The following UNC5C variants were observed in gnomAD, a reference collection of about 807,000 sequenced individuals.
The protein encoded by UNC5C is netrin receptor UNC5C.
In UNC5C, 47 loss-of-function variants were observed where a neutral mutation model predicts 99.8. That is an observed-to-expected ratio of 0.47 (90% CI 0.37 to 0.60). The LOEUF (loss-of-function observed/expected upper bound fraction) is 0.60, where lower values mean the gene tolerates loss of function less well. Ranked by LOEUF, UNC5C falls within the 20% of genes least tolerant of loss-of-function variation. UNC5C has a pLI of 0.00. For missense variants in UNC5C, 1,062 were observed against 1,165.9 expected (o/e 0.91, Z 1.30); for synonymous variants, 487 against 452.2 (o/e 1.08, Z -0.98).
At chr4:95,275,421 C>A (rs779242480) in intron 4 of UNC5C, among the ~76,000 whole-genome samples, 2 of 152,144 alleles carry the variant, frequency 1.3e-5, no homozygotes, top group Non-Finnish European at 2.9e-5. Context: ...TCATTTAAAC[C>A]TCACAACCAC....
rs558701198 is a variant in UNC5C at position 95,331,783 on chromosome 4, A to AT, written c.346+3626dup. Among the ~76,000 whole-genome samples, 49 of 152,276 alleles carry AT rather than the reference A, an allele frequency of 3.2e-4. No individual in the cohort carries two copies. In the South Asian group the frequency reaches 9.9e-3, roughly 31 times the overall value. On this transcript the variant is annotated intron_variant, in intron 2 of 15. Coordinates refer to ENST00000453304, the MANE Select transcript of UNC5C (RefSeq NM_003728.4). ...TCACAGAGAAGAAATCTCTCTCAAT[A>AT]TATGTGTATATGTGTGTGTGGGTGT...
intron 1 of UNC5C, among the ~76,000 whole-genome samples, chr4:95,491,538 G>A (rs1721492493): frequency 6.6e-6 from 1 of 151,482 alleles, no homozygotes; most frequent in Non-Finnish European, 1.5e-5. Flanking sequence ...ACTTGGAGAG[G>A]AATCCACTGG....
Position 95,242,511 on chromosome 4 carries a change from C to T in UNC5C, c.1026G>A (p.Ala342=), listed in dbSNP as rs747600599. ...CTHWRRRECT[A]PAPKNGGKDC... ...CCTTGCCTCCATTCTTGGGGGCTGG[C>T]GCCGTGCACTCCCTCCTGCGCCAGT... Residue 342 remains alanine, a synonymous_variant, in exon 7 of 16, where the codon GCG becomes GCA. Coordinates refer to ENST00000453304, the MANE Select transcript of UNC5C (RefSeq NM_003728.4). 3.7e-6 allele frequency: 6 copies of T among 1,613,308 alleles called. No homozygotes were observed. In the African/African-American group the frequency reaches 4.0e-5, roughly 11 times the overall value.
chr4:95,412,967 T>C (rs768416228), intron 1 of UNC5C, among the ~76,000 whole-genome samples: 23 of 152,282 alleles, frequency 1.5e-4, no homozygotes, highest in Admixed American at 3.9e-4. Flanking sequence ...ATACCCAGGA[T>C]TCTCTCTCGA....
intron 1 of UNC5C, among the ~76,000 whole-genome samples, chr4:95,424,518 C>CTTTCTTTTTTTTTTTT (rs1746411107): frequency 7.4e-5 from 5 of 67,952 alleles, no homozygotes; most frequent in Non-Finnish European, 1.3e-4. Context: ...TTTTTCTTTT[C>CTTTCTTTTTTTTTTTT]TTTTTTTTTT....
intron 3 of UNC5C, among the ~76,000 whole-genome samples, chr4:95,283,253 C>A (rs953629636): frequency 2.0e-5 from 3 of 152,182 alleles, no homozygotes; most frequent in African/African-American, 7.2e-5. Context: ...CAGCTACAGG[C>A]ATCTACTTCC....
At chr4:95,505,493 G>C (rs1404007723) in intron 1 of UNC5C, among the ~76,000 whole-genome samples, 1 of 152,016 alleles carries the variant, frequency 6.6e-6, no homozygotes, top group East Asian at 1.9e-4. Flanking sequence ...TATATCTTAG[G>C]AATTTACTTC....
intron 1 of UNC5C, among the ~76,000 whole-genome samples, chr4:95,337,447 A>C (rs1168563369): frequency 6.6e-6 from 1 of 151,962 alleles, no homozygotes; most frequent in African/African-American, 2.4e-5. Flanking sequence ...GAAAAACTTC[A>C]TAGGCACTAA....
chr4:95,211,553 A>G (rs1041895635), intron 10 of UNC5C, among the ~76,000 whole-genome samples: 4 of 152,196 alleles, frequency 2.6e-5, no homozygotes, highest in African/African-American at 9.6e-5. Context: ...ACCAAAGGAA[A>G]AATAATTGGG....
intron 1 of UNC5C, among the ~76,000 whole-genome samples, chr4:95,351,331 C>CT (rs34484505): frequency 0.57 from 83,839 of 146,234 alleles, 24,641 homozygotes; most frequent in East Asian, 0.85. Flanking sequence ...TAGGGTTAGG[C>CT]TTTTTTTTTT....
chr4:95,439,168 A>G (rs1746876589), intron 1 of UNC5C, among the ~76,000 whole-genome samples: 1 of 152,168 alleles, frequency 6.6e-6, no homozygotes, highest in East Asian at 1.9e-4. Flanking sequence ...AGGCCCTTGC[A>G]GTAAGCAGTT....
At chr4:95,369,368 T>C (rs1335753581) in intron 1 of UNC5C, among the ~76,000 whole-genome samples, 1 of 151,308 alleles carries the variant, frequency 6.6e-6, no homozygotes, top group Non-Finnish European at 1.5e-5. Context: ...CTGGGAAACA[T>C]AATGAAACCC....
Position 95,335,304 on chromosome 4 carries a change from A to G in UNC5C, c.346+106T>C, listed in dbSNP as rs188561663. ...CCAATTCAAAACTTTTTGTCAGAGA[A>G]TAACTCCATTTTCCATTCCACTAAT... On this transcript the variant is annotated intron_variant, in intron 2 of 15. Transcript: ENST00000453304. The G allele has an allele frequency of 2.7e-6, 3 of 1,103,854 alleles. No homozygotes were observed. The Admixed American group carries it at 8.1e-5, about 30-fold the overall frequency. 68.4% of individuals were successfully genotyped at this position (1,103,854 alleles called of 1,614,324 possible).
intron 1 of UNC5C, among the ~76,000 whole-genome samples, chr4:95,495,760 C>A (rs1306263781): frequency 2.0e-5 from 3 of 151,622 alleles, no homozygotes; most frequent in Non-Finnish European, 4.4e-5. Flanking sequence ...GAGGCCAACT[C>A]TATCATCCTC....
In UNC5C at chr4:95,206,789, T is replaced by C. The variant is rs1553953281; in HGVS notation, c.1741A>G (p.Met581Val). The C allele has an allele frequency of 1.3e-6, 2 of 1,598,462 alleles. No individual in the cohort carries two copies. Among genetic ancestry groups the C allele is most frequent in the Non-Finnish European group, 8.5e-7 (1 of 1,172,738 alleles). The part of the protein sequence containing the change: ...VHRKETMRPP[M>V]DDSQTLLTPV... ...GTCAAAAGTGTCTGAGAGTCATCCA[T>C]GGGTGGCCTAGGAGGAGAGCAGAGA... Residue 581 changes from methionine (M) to valine (V), a missense_variant, in exon 11 of 16, where the codon ATG becomes GTG. Around this residue, in one of 3 missense-constraint regions of UNC5C, gnomAD observed 810 missense variants for 854.5 expected, o/e 0.95. Transcript: ENST00000453304.
intron 10 of UNC5C, among the ~76,000 whole-genome samples, chr4:95,215,265 G>A (rs1738207830): frequency 6.6e-6 from 1 of 152,244 alleles, no homozygotes; most frequent in Non-Finnish European, 1.5e-5. Context: ...GGGCTGAGGA[G>A]CCGATGCTCT....
At chr4:95,462,374 T>C (rs1420870775) in intron 1 of UNC5C, among the ~76,000 whole-genome samples, 1 of 152,196 alleles carries the variant, frequency 6.6e-6, no homozygotes, top group Non-Finnish European at 1.5e-5. Context: ...AGTGGTAAAC[T>C]TGTTTCAGGT....
chr4:95,201,041 A>C (rs533481909), intron 12 of UNC5C, among the ~76,000 whole-genome samples: 1 of 152,268 alleles, frequency 6.6e-6, no homozygotes, highest in East Asian at 1.9e-4. Flanking sequence ...GGACACAGCA[A>C]AATGTCAGCA....
At chr4:95,205,917 T>C (rs1450890798) in intron 11 of UNC5C, among the ~76,000 whole-genome samples, 1 of 152,060 alleles carries the variant, frequency 6.6e-6, no homozygotes. Flanking sequence ...GTATCCCAGG[T>C]ACATGTCTGC....
Sources: gnomAD v4.1 joint callset for allele counts (sites outside exome capture counted in the v4.1 genomes callset) on GRCh38, gnomAD v4.1.1 for gene constraint, gnomAD v4.1.1 regional missense constraint, MANE v1.5 for transcripts, NCBI Gene and HGNC (gene_info 2026-07-23, HGNC 2026-07-21) for gene names.